Variants in ANKIB1 observed in about 807,000 individuals in gnomAD.
ANKIB1 encodes the protein ankyrin repeat and IBR domain containing 1.
In ANKIB1, 43 loss-of-function variants were observed where a neutral mutation model predicts 122.1. The observed-to-expected ratio is 0.35, with a 90% CI of 0.28 to 0.45. The LOEUF is 0.45. Among genes scored for constraint, ANKIB1 ranks in the 20% least tolerant of loss-of-function variants. ANKIB1 has a pLI of 1.00. For missense variants in ANKIB1, 992 were observed against 1,329.5 expected (o/e 0.75, Z 3.95); for synonymous variants, 390 against 442.0 (o/e 0.88, Z 1.48).
rs914668721 is a variant in ANKIB1 at position 92,384,318 on chromosome 7, A to G, written c.1618-2191A>G. On this transcript the variant is annotated intron_variant, in intron 11 of 19. Transcript: ENST00000265742. ...AAAAATGTCCATACTGCCCAAGGTA[A>G]TTTATAAATTCAGTGCCATCCCCAT... is the stretch of plus-strand genomic sequence containing the variant. 3.3e-5 allele frequency among the ~76,000 whole-genome samples: 5 copies of G among 152,314 alleles called. No homozygotes were observed. The South Asian group carries it at 6.2e-4, about 19-fold the overall frequency.
intron 7 of ANKIB1, chr7:92,348,127 G>A (rs1192417768): frequency 6.7e-6 from 2 of 297,446 alleles, no homozygotes; most frequent in African/African-American, 2.2e-5. Context: ...ATGGCCAACA[G>A]AACTGATCCT....
At chr7:92,270,915 C>A (rs1186319848) in intron 1 of ANKIB1, among the ~76,000 whole-genome samples, 5 of 151,738 alleles carry the variant, frequency 3.3e-5, no homozygotes, top group African/African-American at 1.2e-4. Flanking sequence ...TCTTTTCATT[C>A]TGTTAATGAC....
intron 1 of ANKIB1, among the ~76,000 whole-genome samples, chr7:92,292,884 G>C (rs1802280696): frequency 1.3e-5 from 2 of 152,046 alleles, no homozygotes; most frequent in Non-Finnish European, 2.9e-5. Context: ...TAAACCGTGA[G>C]GTAAACCATG....
intron 1 of ANKIB1, among the ~76,000 whole-genome samples, chr7:92,258,947 T>G (rs1263225499): frequency 1.4e-5 from 2 of 147,582 alleles, no homozygotes; most frequent in African/African-American, 5.4e-5. Context: ...GAGTTTTTTT[T>G]GTTTTGTTTT....
At position 92,295,101 on chromosome 7, in the gene ANKIB1, G is replaced by C. The variant is rs1411286748; in HGVS notation, c.123G>C (p.Gly41=). The C allele has an allele frequency of 6.3e-7, 1 of 1,581,588 alleles. No homozygotes were observed. Among genetic ancestry groups the C allele is most frequent in the East Asian group, 2.3e-5 (1 of 43,704 alleles). ...CTCTTGATCCAAATACATCTTATGG[G>C]GAGCCCTACCAGCACAATACTCCAT... The part of the protein sequence containing the change: ...KESLDPNTSY[G]EPYQHNTPLH... Residue 41 remains glycine, a synonymous_variant, in exon 2 of 20, where the codon GGG becomes GGC. Coordinates refer to ENST00000265742, the MANE Select transcript of ANKIB1 (RefSeq NM_019004.2).
intron 1 of ANKIB1, among the ~76,000 whole-genome samples, chr7:92,279,124 G>T (rs1468814225): frequency 9.2e-5 from 14 of 152,180 alleles, no homozygotes; most frequent in African/African-American, 3.1e-4. Flanking sequence ...TCACAATAGG[G>T]TTTGCACTCC....
intron 2 of ANKIB1, among the ~76,000 whole-genome samples, chr7:92,299,703 T>A (rs1802423195): frequency 6.6e-6 from 1 of 152,234 alleles, no homozygotes; most frequent in Admixed American, 6.5e-5. Context: ...CACTTAATTT[T>A]TTAAAATGTA....
At chr7:92,250,275 C>A (rs111679375) in intron 1 of ANKIB1, among the ~76,000 whole-genome samples, 34 of 152,102 alleles carry the variant, frequency 2.2e-4, no homozygotes, top group Non-Finnish European at 1.2e-4. Flanking sequence ...TGCCTGTAAT[C>A]CCAGCTACTC....
At chr7:92,393,626 C>A (rs1415686574) in intron 17 of ANKIB1, among the ~76,000 whole-genome samples, 1 of 152,100 alleles carries the variant, frequency 6.6e-6, no homozygotes, top group African/African-American at 2.4e-5. Context: ...CTGGCTCTGA[C>A]AGAAACTTTA....
rs186841009 is a variant in ANKIB1 at position 92,378,569 on chromosome 7, G to T, written c.1617+6962G>T. On this transcript the variant is annotated intron_variant, in intron 11 of 19. Transcript: ENST00000265742. ...TTTCTTAGTATGATAAAAATAAATT[G>T]ACCTCATTTCAAAAGCTAGCATATT... 2.3e-3 allele frequency among the ~76,000 whole-genome samples: 350 copies of T among 150,366 alleles called. 1 individual carries two copies. Among genetic ancestry groups the T allele is most frequent in the African/African-American group, 7.9e-3 (324 of 40,942 alleles).
intron 9 of ANKIB1, among the ~76,000 whole-genome samples, chr7:92,357,752 AAAAG>A (rs1478736464): frequency 6.6e-6 from 1 of 151,310 alleles, no homozygotes; most frequent in African/African-American, 2.4e-5. Flanking sequence ...AAAAAAAAGA[AAAAG>A]AAAAAAAAAC....
At chr7:92,367,049 G>C (rs1804102683) in intron 10 of ANKIB1, among the ~76,000 whole-genome samples, 1 of 152,162 alleles carries the variant, frequency 6.6e-6, no homozygotes, top group African/African-American at 2.4e-5. Context: ...CTGATACTAA[G>C]AGGAGGAAAG....
intron 11 of ANKIB1, among the ~76,000 whole-genome samples, chr7:92,377,352 A>T (rs1301297749): frequency 6.6e-6 from 1 of 152,200 alleles, no homozygotes; most frequent in Admixed American, 6.5e-5. Context: ...TTGCCATCTT[A>T]TATGGGCATG....
chr7:92,378,147 G>C (rs868618535), intron 11 of ANKIB1, among the ~76,000 whole-genome samples: 1 of 152,114 alleles, frequency 6.6e-6, no homozygotes, highest in Non-Finnish European at 1.5e-5. Flanking sequence ...AATTAACCAA[G>C]TAGAGTTTAT....
chr7:92,273,631 G>A (rs1801842406), intron 1 of ANKIB1, among the ~76,000 whole-genome samples: 1 of 152,196 alleles, frequency 6.6e-6, no homozygotes, highest in Non-Finnish European at 1.5e-5. Flanking sequence ...ACAGATGGAA[G>A]ATGGGTTATT....
chr7:92,398,535 A>G lies in ANKIB1; in HGVS notation c.2856A>G (p.Ser952=), dbSNP rs374467744. 9 of 1,613,858 alleles carry G rather than the reference A, an allele frequency of 5.6e-6. No homozygotes were observed. In the African/African-American group the frequency reaches 1.2e-4, roughly 22 times the overall value. Residue 952 remains serine, a synonymous_variant, in exon 20 of 20, where the codon TCA becomes TCG. Coordinates refer to ENST00000265742, the MANE Select transcript of ANKIB1 (RefSeq NM_019004.2). The part of the protein sequence containing the change: ...LSEARSDFCP[S]SSDPDSAGQD... ...AGGCAAGAAGTGATTTCTGTCCCTCATCTAGTGATCCTGACTCAGCTGGCC... is the reference window on the plus strand; with the variant it reads ...AGGCAAGAAGTGATTTCTGTCCCTCGTCTAGTGATCCTGACTCAGCTGGCC...
intron 11 of ANKIB1, among the ~76,000 whole-genome samples, chr7:92,381,206 A>G (rs1249304623): frequency 6.6e-6 from 1 of 152,196 alleles, no homozygotes; most frequent in African/African-American, 2.4e-5. Context: ...GAGTAAAAAG[A>G]AATGAACGAA....
Position 92,353,212 on chromosome 7 carries a change from A to AG in ANKIB1, c.1397+570_1397+571insG, listed in dbSNP as rs544016813. On this transcript the variant is annotated intron_variant, in intron 9 of 19. Coordinates refer to ENST00000265742, the MANE Select transcript of ANKIB1 (RefSeq NM_019004.2). ...GGGCTCTAAAAAAAGAAAATTAAAAATTTCCCAGGAGATGCTAATGAACAG... is the reference window on the plus strand; with the variant it reads ...GGGCTCTAAAAAAAGAAAATTAAAAAGTTTCCCAGGAGATGCTAATGAACAG... Among the ~76,000 whole-genome samples the AG allele has an allele frequency of 2.7e-3, 413 of 152,304 alleles. 6 individuals carry two copies. The South Asian group carries it at 0.037, about 14-fold the overall frequency.
chr7:92,326,282 C>G (rs1339820996), intron 4 of ANKIB1, among the ~76,000 whole-genome samples: 1 of 152,168 alleles, frequency 6.6e-6, no homozygotes, highest in Non-Finnish European at 1.5e-5. Context: ...AAAATTAAAT[C>G]TTCACATATA....
Sources: gnomAD v4.1 joint callset for allele counts (sites outside exome capture counted in the v4.1 genomes callset) on GRCh38, gnomAD v4.1.1 for gene constraint, MANE v1.5 for transcripts, NCBI Gene and HGNC (gene_info 2026-07-23, HGNC 2026-07-21) for gene names.